Variants in DTNA observed in about 807,000 individuals in gnomAD.
The protein encoded by DTNA is dystrobrevin alpha, also known as dystrophin-related protein 3.
In DTNA, 43 loss-of-function variants were observed where a neutral mutation model predicts 100.7. The observed-to-expected ratio is 0.43, with a 90% CI of 0.33 to 0.55. The LOEUF (loss-of-function observed/expected upper bound fraction) is 0.55, where lower values mean the gene tolerates loss of function less well. DTNA is among the 20% of genes least tolerant of loss of function. The pLI is 0.04. For missense variants in DTNA, 798 were observed against 953.9 expected (o/e 0.84, Z 2.15); for synonymous variants, 349 against 347.9 (o/e 1.00, Z -0.04).
chr18:34,698,705 G>A (rs919596984), intron 1 of DTNA, among the ~76,000 whole-genome samples: 3 of 152,172 alleles, frequency 2.0e-5, no homozygotes, highest in Admixed American at 1.3e-4. Context: ...CTTGGAGTCC[G>A]ATGTTTGAGG....
At chr18:34,504,276 C>A (rs2040261468) in intron 1 of DTNA, 1 of 152,040 alleles carries the variant, frequency 6.6e-6, no homozygotes, top group Admixed American at 6.6e-5. Context: ...AGTATAGAAA[C>A]CGTACCTCCC....
chr18:34,753,399 T>TC (rs1382273071), intron 1 of DTNA, among the ~76,000 whole-genome samples: 11 of 95,162 alleles, frequency 1.2e-4, no homozygotes, highest in African/African-American at 4.3e-4. Flanking sequence ...TATTTTTTTT[T>TC]TGAGACGGAG....
chr18:34,706,720 A>G, upstream of DTNA, among the ~76,000 whole-genome samples: 1 of 152,208 alleles, frequency 6.6e-6, no homozygotes, highest in East Asian at 1.9e-4. Flanking sequence ...GGAAAAGTGC[A>G]TGTTTGAAAT....
At chr18:34,549,442 T>A (rs1372217329) in intron 1 of DTNA, among the ~76,000 whole-genome samples, 1 of 152,094 alleles carries the variant, frequency 6.6e-6, no homozygotes. Context: ...GAAATATCCA[T>A]CCTTTTTAAT....
intron 1 of DTNA, among the ~76,000 whole-genome samples, chr18:34,577,068 C>A (rs1203118007): frequency 6.6e-6 from 1 of 152,076 alleles, no homozygotes; most frequent in Non-Finnish European, 1.5e-5. Flanking sequence ...AATAAAGGGC[C>A]TCAAAAGGGT....
rs147541731 is a variant in DTNA at position 34,848,373 on chromosome 18, C to T, written c.1424C>T (p.Ser475Phe). The change falls in exon 14 of 23, where the codon TCC (serine) becomes TTC (phenylalanine). Residue 475 changes from serine (S) to phenylalanine (F), a missense_variant. By Grantham distance (155) the Ser-to-Phe change is radical (BLOSUM62 -2). Coordinates refer to ENST00000444659, the MANE Select transcript of DTNA (RefSeq NM_001386795.1). ...ARYAARLAAESSSSQPPQQRS... is the reference protein window; with the variant it reads ...ARYAARLAAEFSSSQPPQQRS... ...TATGCGGCAAGGCTGGCAGCAGAGTCCTCTTCGTCTGTAAGTAGTTGGAGT... is the reference window on the plus strand; with the variant it reads ...TATGCGGCAAGGCTGGCAGCAGAGTTCTCTTCGTCTGTAAGTAGTTGGAGT... The T allele has an allele frequency of 2.5e-6, 4 of 1,613,812 alleles. No individual in the cohort carries two copies. In the African/African-American group the frequency reaches 5.3e-5, roughly 22 times the overall value.
chr18:34,784,298 G>A (rs2094437899), intron 3 of DTNA, among the ~76,000 whole-genome samples: 1 of 152,192 alleles, frequency 6.6e-6, no homozygotes. Flanking sequence ...GAAAAATTAA[G>A]AGTGTTATAT....
intron 1 of DTNA, among the ~76,000 whole-genome samples, chr18:34,649,064 G>A (rs771116363): frequency 6.6e-6 from 1 of 152,102 alleles, no homozygotes; most frequent in African/African-American, 2.4e-5. Context: ...AATGATTCAG[G>A]TGTTTATTAG....
chr18:34,576,871 A>T (rs1213452424), intron 1 of DTNA, among the ~76,000 whole-genome samples: 1 of 152,156 alleles, frequency 6.6e-6, no homozygotes, highest in Non-Finnish European at 1.5e-5. Context: ...ATGCGTGTGA[A>T]CATTCTAACT....
chr18:34,667,003 T>TAGG (rs2076026351), intron 1 of DTNA, among the ~76,000 whole-genome samples: 1 of 152,224 alleles, frequency 6.6e-6, no homozygotes. Context: ...AATCTATAAA[T>TAGG]TACTTTGGGC....
chr18:34,556,810 C>T lies in DTNA; in HGVS notation c.-2+63296C>T, dbSNP rs945019824. Among the ~76,000 whole-genome samples the T allele has an allele frequency of 9.8e-4, 148 of 151,790 alleles. 1 individual carries two copies. Among genetic ancestry groups the T allele is most frequent in the Middle Eastern group, 3.4e-3 (1 of 292 alleles). The stretch of plus-strand genomic sequence containing the variant: ...TCTCTGGCTGCCCTTAACATTTTTT[C>T]CTTCATTTCAACTTTGGTGAATCTG... On this transcript the variant is annotated intron_variant, in intron 1 of 19. Coordinates refer to the DTNA transcript ENST00000283365.
intron 1 of DTNA, among the ~76,000 whole-genome samples, chr18:34,711,442 A>G (rs930546712): frequency 1.3e-5 from 2 of 152,328 alleles, no homozygotes; most frequent in East Asian, 1.9e-4. Context: ...CTCTTAGAAC[A>G]AAGCTGTCTT....
rs770134417 is a variant in DTNA at position 34,889,841 on chromosome 18, A to G, written c.*2107A>G. The G allele has an allele frequency of 4.6e-5, 46 of 994,694 alleles. No homozygotes were observed. The highest frequency in any genetic ancestry group is 5.3e-5 in the Non-Finnish European group (44 of 835,400). The allele number at this position is 994,694 out of a possible 1,614,324, so 61.6% of individuals were successfully genotyped here. ...GCACAGTTCTCAGATTTCTTTGCAC[A>G]GATTGATTTTTATTGCGGGTTTTGT... On this transcript the variant is annotated 3_prime_UTR_variant, in exon 23 of 23. Transcript: ENST00000444659.
chr18:34,648,815 G>A (rs983287907), intron 1 of DTNA, among the ~76,000 whole-genome samples: 6 of 152,176 alleles, frequency 3.9e-5, no homozygotes, highest in African/African-American at 1.4e-4. Context: ...TAGGTAAGTT[G>A]CATAATCACA....
chr18:34,864,121 T>TTGCACATAATG (rs1333736679), intron 17 of DTNA, 59 bp downstream of exon 17: 1 of 1,494,726 alleles, frequency 6.7e-7, no homozygotes, highest in African/African-American at 1.4e-5. Flanking sequence ...GTGAAAATTT[T>TTGCACATAATG]TGCACATAAT....
intron 1 of DTNA, among the ~76,000 whole-genome samples, chr18:34,704,852 T>G (rs1460803213): frequency 6.6e-6 from 1 of 152,184 alleles, no homozygotes; most frequent in Non-Finnish European, 1.5e-5. Context: ...TTTTCTTGAC[T>G]TCACAGGTAG....
intron 1 of DTNA, among the ~76,000 whole-genome samples, chr18:34,515,262 A>G (rs2041487681): frequency 6.6e-6 from 1 of 152,018 alleles, no homozygotes; most frequent in Non-Finnish European, 1.5e-5. Context: ...CCTTGAAGAA[A>G]AAACTCCCTT....
At chr18:34,784,416 T>C (rs1332719471) in intron 3 of DTNA, among the ~76,000 whole-genome samples, 1 of 152,210 alleles carries the variant, frequency 6.6e-6, no homozygotes, top group Non-Finnish European at 1.5e-5. Context: ...ATCATCGTTC[T>C]TTGCTCTGTG....
intron 1 of DTNA, among the ~76,000 whole-genome samples, chr18:34,558,728 T>C (rs1018832965): frequency 6.6e-6 from 1 of 152,072 alleles, no homozygotes; most frequent in African/African-American, 2.4e-5. Context: ...GGGATCTTAA[T>C]GAAATTGAGA....
Sources: gnomAD v4.1 joint callset for allele counts (sites outside exome capture counted in the v4.1 genomes callset) on GRCh38, gnomAD v4.1.1 for gene constraint, MANE v1.5 for transcripts, NCBI Gene and HGNC (gene_info 2026-07-23, HGNC 2026-07-21) for gene names.